The following ALDH2 variants were observed in gnomAD, a reference collection of about 807,000 sequenced individuals.
ALDH2 encodes the protein aldehyde dehydrogenase 2 family member, also known as aldehyde dehydrogenase, mitochondrial.
A neutral mutation model predicts 59.6 loss-of-function variants in ALDH2; 44 were observed. The observed-to-expected ratio is 0.74, with a 90% CI of 0.58 to 0.95. ALDH2 has a LOEUF of 0.95. Ranked by LOEUF, ALDH2 falls within the 40% of genes least tolerant of loss-of-function variation. The pLI is 0.00. For missense variants in ALDH2, 570 were observed against 696.3 expected (o/e 0.82, Z 2.04); for synonymous variants, 291 against 284.0 (o/e 1.02, Z -0.25).
chr12:111,802,561 C>T (rs1480878014), intron 11 of ALDH2, among the ~76,000 whole-genome samples: 2 of 140,156 alleles, frequency 1.4e-5, no homozygotes, highest in Admixed American at 7.1e-5. Context: ...AGCTTGGCAA[C>T]AGAGTGAGAC....
At chr12:111,778,867 C>CTT (rs1219117978) in intron 1 of ALDH2, among the ~76,000 whole-genome samples, 1 of 141,718 alleles carries the variant, frequency 7.1e-6, no homozygotes. Context: ...CGTCCAGATT[C>CTT]TTTTTTTTTT....
chr12:111,803,720 G>A (rs1593087445), intron 11 of ALDH2, 139 bp from the exon 12 acceptor site: 1 of 382,654 alleles, frequency 2.6e-6, no homozygotes, highest in Non-Finnish European at 4.5e-6. Flanking sequence ...CTGGGCAACA[G>A]AGAAAGATTC....
intron 10 of ALDH2, 64 bp downstream of exon 10, chr12:111,798,306 C>A: frequency 1.3e-6 from 2 of 1,487,452 alleles, no homozygotes; most frequent in Non-Finnish European, 1.8e-6. Flanking sequence ...ACAGTTCAGC[C>A]TGGCATCCTG....
chr12:111,804,048 G>A, intron 12 of ALDH2, 75 bp downstream of exon 12: 1 of 1,141,032 alleles, frequency 8.8e-7, no homozygotes, highest in East Asian at 2.9e-5. Context: ...AGCCTGCTGG[G>A]GGATTGGGGT....
At chr12:111,805,976 T>C (rs1048304686) in intron 12 of ALDH2, among the ~76,000 whole-genome samples, 1 of 147,234 alleles carries the variant, frequency 6.8e-6, no homozygotes, top group Non-Finnish European at 1.5e-5. Context: ...TGAGCCAAGA[T>C]TGCACCACTG....
chr12:111,799,907 T>A lies in ALDH2; in HGVS notation c.1250T>A (p.Ile417Asn). The A allele has an allele frequency of 1.2e-6, 2 of 1,613,274 alleles. No homozygotes were observed. Among genetic ancestry groups the A allele is most frequent in the Non-Finnish European group, 1.7e-6 (2 of 1,179,574 alleles). Residue 417 changes from isoleucine to asparagine, a missense_variant and splice_region_variant, in exon 11 of 13, where the codon ATC becomes AAC. By Grantham distance (149) the Ile-to-Asn change is moderately radical. Transcript: ENST00000261733. ...TCCTACGCTGCTCTCTCACTCCAGA[T>A]CTTCGGGCCAGTGATGCAGATCCTG... ...QDGMTIAKEEIFGPVMQILKF... is the reference protein window; with the variant it reads ...QDGMTIAKEENFGPVMQILKF...
At chr12:111,809,102 C>G (rs1036830744) in intron 12 of ALDH2, among the ~76,000 whole-genome samples, 1 of 152,068 alleles carries the variant, frequency 6.6e-6, no homozygotes, top group African/African-American at 2.4e-5. Context: ...GCTCCAGGGG[C>G]AAGACCCAGA....
At chr12:111,768,866 C>A (rs988922732) in intron 1 of ALDH2, among the ~76,000 whole-genome samples, 1 of 152,156 alleles carries the variant, frequency 6.6e-6, no homozygotes, top group Admixed American at 6.5e-5. Context: ...TGCCTGTAGT[C>A]CCAGCTATAT....
chr12:111,769,093 GCACC>G (rs1240456426), intron 1 of ALDH2, among the ~76,000 whole-genome samples: 10 of 152,194 alleles, frequency 6.6e-5, no homozygotes, highest in Non-Finnish European at 1.5e-4. Flanking sequence ...GTCCAGATAT[GCACC>G]CAGGCCCATA....
chr12:111,786,649 A>G (rs1269066425), intron 4 of ALDH2, among the ~76,000 whole-genome samples: 1 of 150,124 alleles, frequency 6.7e-6, no homozygotes, highest in East Asian at 2.0e-4. Flanking sequence ...GGGCTCAAGC[A>G]ATCTTCCCAC....
chr12:111,781,061 A>G (rs180908341), intron 1 of ALDH2, among the ~76,000 whole-genome samples: 6 of 152,264 alleles, frequency 3.9e-5, no homozygotes, highest in Middle Eastern at 3.4e-3. Flanking sequence ...GGGAGCCATG[A>G]TCACGCCACT....
Position 111,766,967 on chromosome 12 carries a change from C to CCGCTAGCCCGCTG in ALDH2, c.-13_-1dup. 11 of 1,519,650 alleles carry CCGCTAGCCCGCTG rather than the reference C, an allele frequency of 7.2e-6. No homozygotes were observed. The highest frequency in any genetic ancestry group is 7.9e-6 in the Non-Finnish European group (9 of 1,140,230). 94.1% of individuals were successfully genotyped at this position (1,519,650 alleles called of 1,614,324 possible). ...GCTCTGCTCTCGGTCCGCTCGCTGT[C>CCGCTAGCCCGCTG]CGCTAGCCCGCTGCGATGTTGCGCG... On this transcript the variant is annotated 5_prime_UTR_variant, in exon 1 of 13. Transcript: ENST00000261733.
rs1441160623 is a variant in ALDH2 at position 111,815,803 on chromosome 12, G to C, written c.*6228G>C. On this transcript the variant is annotated 3_prime_UTR_variant, in exon 13 of 13. Coordinates refer to ENST00000261733, the MANE Select transcript of ALDH2 (RefSeq NM_000690.4). ...TATATTTTTTTTTTTTTTTGAGAGAGAGAGAGAGAGATGGAGTCTTGCTAT... is the reference window on the plus strand; with the variant it reads ...TATATTTTTTTTTTTTTTTGAGAGACAGAGAGAGAGATGGAGTCTTGCTAT... 1 of 147,114 alleles carries C rather than the reference G, an allele frequency of 6.8e-6. No homozygotes were observed. Among genetic ancestry groups the C allele is most frequent in the African/African-American group, 2.5e-5 (1 of 39,700 alleles). The allele number at this position is 147,114 out of a possible 1,614,324, so 9.1% of individuals were successfully genotyped here. A position where few individuals can be genotyped will look rare whatever the true frequency, so the allele number is the denominator to read the frequency against.
In ALDH2 at chr12:111,816,099, G is replaced by A. The variant is rs937865121; in HGVS notation, c.*6524G>A. On this transcript the variant is annotated 3_prime_UTR_variant, in exon 13 of 13. Transcript: ENST00000261733. The stretch of plus-strand genomic sequence containing the variant: ...AGGATCATGGGGGTGGATCCCTCAT[G>A]AATGGCTTGGTGTCCTCCCCCATGG... The A allele has an allele frequency of 1.3e-5, 2 of 152,172 alleles. No homozygotes were observed. The highest frequency in any genetic ancestry group is 4.8e-5 in the African/African-American group (2 of 41,446). 9.4% of individuals were successfully genotyped at this position (152,172 alleles called of 1,614,324 possible). A position where few individuals can be genotyped will look rare whatever the true frequency, so the allele number is the denominator to read the frequency against.
In ALDH2 at chr12:111,809,559, C is replaced by T. The variant is rs1423818425; in HGVS notation, c.1538C>T (p.Pro513Leu). ...CCCTTACAGGTCACAGTCAAAGTGC[C>T]TCAGAAGAACTCATAAGAATCATGC... is the stretch of plus-strand genomic sequence containing the variant. ...TEVKTVTVKV[P>L]QKNS Residue 513 changes from proline (P) to leucine (L), a missense_variant, in exon 13 of 13, where the codon CCT becomes CTT. By Grantham distance (98) the Pro-to-Leu change is moderately conservative. Transcript: ENST00000261733. 5 of 1,614,032 alleles carry T rather than the reference C, an allele frequency of 3.1e-6. No individual in the cohort carries two copies. The highest frequency in any genetic ancestry group is 4.2e-6 in the Non-Finnish European group (5 of 1,180,048).
At chr12:111,775,484 GA>G (rs1179973714) in intron 1 of ALDH2, 5 of 360,702 alleles carry the variant, frequency 1.4e-5, no homozygotes, top group Non-Finnish European at 2.2e-5. Flanking sequence ...GGCTGTCAGT[GA>G]AAGCTTATGG....
At chr12:111,791,667 A>G (rs2068360595) in intron 7 of ALDH2, among the ~76,000 whole-genome samples, 1 of 152,210 alleles carries the variant, frequency 6.6e-6, no homozygotes, top group African/African-American at 2.4e-5. Context: ...CAGACTCCAC[A>G]TAGCCCAGAG....
rs2068561164 is a variant in ALDH2, at chr12:111,814,910, G to A, written c.*5335G>A. ...CTGAAAAAAACAGGGTCCCAGAGCT[G>A]GTCAGGGGAACTTGGACAAACCACA... On this transcript the variant is annotated 3_prime_UTR_variant, in exon 13 of 13. Coordinates refer to ENST00000261733, the MANE Select transcript of ALDH2 (RefSeq NM_000690.4). The A allele has an allele frequency of 6.6e-6, 1 of 151,924 alleles. No individual in the cohort carries two copies. Among genetic ancestry groups the A allele is most frequent in the Non-Finnish European group, 1.5e-5 (1 of 68,026 alleles). 9.4% of individuals were successfully genotyped at this position (151,924 alleles called of 1,614,324 possible).
chr12:111,771,385 AG>A, intron 1 of ALDH2, among the ~76,000 whole-genome samples: 1 of 152,280 alleles, frequency 6.6e-6, no homozygotes, highest in East Asian at 1.9e-4. Context: ...CAACACTGCA[AG>A]TATACATAGG....
Sources: allele counts gnomAD v4.1 joint callset (sites outside exome capture counted in the v4.1 genomes callset), GRCh38; gene constraint gnomAD v4.1.1; transcripts MANE v1.5; gene names NCBI Gene and HGNC (gene_info 2026-07-23, HGNC 2026-07-21).